The following EPS15L1 variants were observed in gnomAD, a reference collection of about 807,000 sequenced individuals.
EPS15L1 encodes the protein epidermal growth factor receptor pathway substrate 15 like 1, also known as epidermal growth factor receptor substrate 15-like 1.
Under a neutral mutation model 117.1 loss-of-function variants are expected in EPS15L1, and 43 were observed. The ratio of observed to expected loss-of-function variants is 0.37; its 90% CI spans 0.29 to 0.47. EPS15L1 has a LOEUF of 0.47. Among genes scored for constraint, EPS15L1 ranks in the 20% least tolerant of loss-of-function variants. EPS15L1 has a pLI of 0.99. For synonymous variants in EPS15L1, 459 were observed against 470.5 expected, an observed-to-expected ratio of 0.98 and a Z score of 0.32; for missense variants, 981 against 1,164.0, an observed-to-expected ratio of 0.84 and a Z score of 2.29.
chr19:16,443,937 G>A (rs1341408570), intron 1 of EPS15L1, among the ~76,000 whole-genome samples: 7 of 149,858 alleles, frequency 4.7e-5, no homozygotes, highest in East Asian at 2.0e-4. Context: ...GGTGGTGTGC[G>A]CCTGTAATCC....
chr19:16,410,977 C>T (rs948936759), intron 13 of EPS15L1, among the ~76,000 whole-genome samples: 2 of 152,118 alleles, frequency 1.3e-5, no homozygotes, highest in African/African-American at 2.4e-5. Context: ...AGGAATTCAA[C>T]GCTAATATAT....
intron 6 of EPS15L1, chr19:16,435,185 C>A (rs1247989225): frequency 6.6e-6 from 1 of 152,196 alleles, no homozygotes; most frequent in African/African-American, 2.4e-5. Context: ...CTCCTGGCCT[C>A]AAGTGATCCG....
chr19:16,416,282 T>A (rs1182722274), intron 12 of EPS15L1, among the ~76,000 whole-genome samples: 2 of 152,188 alleles, frequency 1.3e-5, no homozygotes, highest in Admixed American at 6.5e-5. Flanking sequence ...AAAGCACCTT[T>A]GGGCCCTTCT....
intron 1 of EPS15L1, among the ~76,000 whole-genome samples, chr19:16,455,485 CA>C (rs1426508306): frequency 6.6e-6 from 1 of 152,246 alleles, no homozygotes; most frequent in Admixed American, 6.5e-5. Flanking sequence ...TGCCTCGATG[CA>C]CTGCCCTGTG....
In EPS15L1 at chr19:16,361,980, T is replaced by C; in HGVS notation, c.2385A>G (p.Lys795=). The C allele has an allele frequency of 6.3e-7, 1 of 1,593,332 alleles. No individual in the cohort carries two copies. Residue 795 remains lysine (K), a synonymous_variant, in exon 23 of 24, where the codon AAA becomes AAG. Transcript: ENST00000455140. ...APPRPKPPSG[K]STPVSQLGSA... ...AACCAAGCTGGCTTACAGGTGTACTTTTACCTGGAAAGTTTAGGAGAAAAA... is the reference window on the plus strand; with the variant it reads ...AACCAAGCTGGCTTACAGGTGTACTCTTACCTGGAAAGTTTAGGAGAAAAA...
chr19:16,379,576 G>C (rs2092337086), intron 21 of EPS15L1, among the ~76,000 whole-genome samples: 1 of 152,244 alleles, frequency 6.6e-6, no homozygotes, highest in South Asian at 2.1e-4. Context: ...TCTGCCTCCA[G>C]CATCTAGTCA....
chr19:16,384,597 C>T (rs1222513602), intron 21 of EPS15L1, among the ~76,000 whole-genome samples: 1 of 152,192 alleles, frequency 6.6e-6, no homozygotes, highest in Non-Finnish European at 1.5e-5. Flanking sequence ...GGCCGGACAC[C>T]AACGGGTCCA....
chr19:16,465,222 C>T (rs2093293514), intron 1 of EPS15L1, among the ~76,000 whole-genome samples: 1 of 152,194 alleles, frequency 6.6e-6, no homozygotes. Context: ...ACGCCCTCTC[C>T]TCCATACAAC....
chr19:16,379,166 G>A (rs550927422), intron 21 of EPS15L1, among the ~76,000 whole-genome samples: 21 of 152,246 alleles, frequency 1.4e-4, no homozygotes, highest in Middle Eastern at 6.8e-3. Flanking sequence ...TTAGCCGGTC[G>A]TGGTGGCGGG....
In EPS15L1 at chr19:16,411,953, C is replaced by A. The variant is rs573957557; in HGVS notation, c.1266+1820G>T. 3.6e-4 allele frequency among the ~76,000 whole-genome samples: 55 copies of A among 152,284 alleles called. No individual in the cohort carries two copies. The South Asian group carries it at 3.9e-3, about 11-fold the overall frequency. ...GGCTCAAGCGATCCTCCGGCCTCGG[C>A]CTCCCAAAGTGCTGGGATTACAGGT... On this transcript the variant is annotated intron_variant, in intron 13 of 23. Transcript: ENST00000455140.
At chr19:16,394,104 ACTCCTC>A in intron 17 of EPS15L1, 103 bp from the exon 18 acceptor site, 3 of 961,516 alleles carry the variant, frequency 3.1e-6, no homozygotes, top group African/African-American at 1.6e-5. Context: ...ATTGCCTTCT[ACTCCTC>A]CAGTGTAGGG....
chr19:16,450,763 G>A (rs1264907999), intron 1 of EPS15L1, among the ~76,000 whole-genome samples: 2 of 151,420 alleles, frequency 1.3e-5, no homozygotes, highest in Admixed American at 6.6e-5. Flanking sequence ...GATTACAGGC[G>A]TGAGCCACCA....
At position 16,372,286 on chromosome 19, in the gene EPS15L1, C is replaced by T. The variant is rs1352001567; in HGVS notation, c.2380+4836G>A. ...CCACCTGTGACTGTCCAGGTCAACA[C>T]CTGTCTGCCCGTGCACCCACACTGC... is the stretch of plus-strand genomic sequence containing the variant. On this transcript the variant is annotated intron_variant, in intron 22 of 23. Coordinates refer to ENST00000455140, the MANE Select transcript of EPS15L1 (RefSeq NM_001258374.3). Among the ~76,000 whole-genome samples, 5 of 152,228 alleles carry T rather than the reference C, an allele frequency of 3.3e-5. No homozygotes were observed. In the South Asian group the frequency reaches 6.2e-4, roughly 19 times the overall value.
rs141581841 is a variant in EPS15L1, at chr19:16,373,269, G to A, written c.2380+3853C>T. 9.9e-3 allele frequency among the ~76,000 whole-genome samples: 1,513 copies of A among 152,144 alleles called. 80 individuals are homozygous for A. Among genetic ancestry groups the A allele is most frequent in the Admixed American group, 0.078 (1,189 of 15,258 alleles). On this transcript the variant is annotated intron_variant, in intron 22 of 23. Transcript: ENST00000455140. Reference sequence around the variant, plus strand: ...TTCACCTTCCTCCTCACTCAGCCACGCTGGGACCCACGCATCTCGCGCAAA... The same window carrying A: ...TTCACCTTCCTCCTCACTCAGCCACACTGGGACCCACGCATCTCGCGCAAA...
chr19:16,414,557 C>T (rs1180240846), intron 12 of EPS15L1, among the ~76,000 whole-genome samples: 28 of 152,038 alleles, frequency 1.8e-4, no homozygotes, highest in Admixed American at 9.2e-4. Context: ...CGTGCCACCA[C>T]GCCCAGCTAA....
At position 16,381,300 on chromosome 19, in the gene EPS15L1, C is replaced by T. The variant is rs1379742737; in HGVS notation, c.2247+3829G>A. Among the ~76,000 whole-genome samples, 3 of 152,266 alleles carry T rather than the reference C, an allele frequency of 2.0e-5. No individual in the cohort carries two copies. The highest frequency in any genetic ancestry group is 1.9e-4 in the East Asian group (1 of 5,198). On this transcript the variant is annotated intron_variant, in intron 21 of 23. Transcript: ENST00000455140. The surrounding 1 kb of genome is among the most constrained non-coding windows in gnomAD (Gnocchi z 4.2). ...CTGCCCACATCACACAGCAGGTCCA[C>T]GGCGGATCCAGGGCTGCCACATCGT...
chr19:16,402,136 A>G, intron 16 of EPS15L1, 185 bp downstream of exon 16: 1 of 1,364,352 alleles, frequency 7.3e-7, no homozygotes, highest in Non-Finnish European at 9.4e-7. Context: ...AGGATTCAGC[A>G]TGGCCACCTG....
intron 16 of EPS15L1, among the ~76,000 whole-genome samples, chr19:16,397,556 T>G (rs552885601): frequency 6.6e-6 from 1 of 152,154 alleles, no homozygotes; most frequent in East Asian, 1.9e-4. Flanking sequence ...CTTTTCTCGG[T>G]GAGTATGTAC....
intron 12 of EPS15L1, among the ~76,000 whole-genome samples, chr19:16,416,305 G>A (rs940089929): frequency 9.2e-5 from 14 of 152,120 alleles, no homozygotes; most frequent in Admixed American, 2.0e-4. Flanking sequence ...ATGGTGCCCC[G>A]TCATCACAAG....
Sources: gnomAD v4.1 joint callset for allele counts (sites outside exome capture counted in the v4.1 genomes callset) on GRCh38, gnomAD v4.1.1 for gene constraint, Gnocchi (gnomAD v3.1) non-coding constraint, MANE v1.5 for transcripts, NCBI Gene and HGNC (gene_info 2026-07-23, HGNC 2026-07-21) for gene names.